Variants in TENM2 observed in about 807,000 individuals in gnomAD.
TENM2 encodes the protein teneurin transmembrane protein 2.
TENM2 carries 52 observed loss-of-function variants against 245.2 expected under a neutral mutation model. The observed-to-expected ratio is 0.21, with a 90% CI of 0.17 to 0.27. The LOEUF (loss-of-function observed/expected upper bound fraction) is 0.27, where lower values mean the gene tolerates loss of function less well. TENM2 is among the 10% of genes least tolerant of loss of function. The pLI is 1.00. For synonymous variants in TENM2, 1,363 were observed against 1,438.9 expected (o/e 0.95, Z 1.19); for missense variants, 3,046 against 3,666.8 (o/e 0.83, Z 4.37).
chr5:168,223,470 C>CT (rs34029248), intron 23 of TENM2, among the ~76,000 whole-genome samples: 16,357 of 136,910 alleles, frequency 0.12, 1,972 homozygotes, highest in African/African-American at 0.3. Context: ...CAAGTAATTT[C>CT]TTTTTTTTTT....
chr5:167,006,075 C>T, the TENM2 span, among the ~76,000 whole-genome samples: 1 of 152,112 alleles, frequency 6.6e-6, no homozygotes, highest in Non-Finnish European at 1.5e-5. Context: ...ACTAGCCTTT[C>T]TAATCCCAAA....
At chr5:167,233,892 A>G in the TENM2 span, among the ~76,000 whole-genome samples, 1 of 152,136 alleles carries the variant, frequency 6.6e-6, no homozygotes, top group South Asian at 2.1e-4. Flanking sequence ...AAATTAATAA[A>G]CGATCACAGC....
chr5:167,296,811 T>C (rs940737427), intron 1 of TENM2, among the ~76,000 whole-genome samples: 1 of 152,224 alleles, frequency 6.6e-6, no homozygotes, highest in African/African-American at 2.4e-5. Context: ...GTTAACACTT[T>C]CTGTTTCACA....
intron 3 of TENM2, among the ~76,000 whole-genome samples, chr5:167,926,957 T>G (rs892023665): frequency 4.6e-5 from 7 of 152,196 alleles, no homozygotes; most frequent in African/African-American, 1.7e-4. Flanking sequence ...ATTAAAAACT[T>G]TAATTAAAAC....
chr5:167,747,636 C>T (rs1761683555), intron 2 of TENM2, among the ~76,000 whole-genome samples: 1 of 152,122 alleles, frequency 6.6e-6, no homozygotes, highest in Admixed American at 6.6e-5. Flanking sequence ...GATGTCTTCT[C>T]TTTGTGGGGA....
chr5:167,584,202 G>A (rs1369062396), intron 2 of TENM2, among the ~76,000 whole-genome samples: 1 of 152,230 alleles, frequency 6.6e-6, no homozygotes, highest in Non-Finnish European at 1.5e-5. Context: ...AGCAATGAAA[G>A]CATAGATTTA....
chr5:168,222,745 C>T (rs1304099998), intron 23 of TENM2, among the ~76,000 whole-genome samples: 1 of 152,206 alleles, frequency 6.6e-6, no homozygotes, highest in Non-Finnish European at 1.5e-5. Flanking sequence ...CCACTCCCTC[C>T]CTTCTTTATT....
chr5:167,118,015 A>C, the TENM2 span, among the ~76,000 whole-genome samples: 2 of 152,098 alleles, frequency 1.3e-5, no homozygotes, highest in African/African-American at 4.8e-5. Flanking sequence ...GCCTCTATAC[A>C]CTTCTTTCTA....
chr5:167,132,333 C>A, the TENM2 span, among the ~76,000 whole-genome samples: 1 of 152,170 alleles, frequency 6.6e-6, no homozygotes, highest in African/African-American at 2.4e-5. Flanking sequence ...ACCTCCATCA[C>A]CATGCAACAT....
chr5:167,861,324 G>A (rs1197532956), intron 2 of TENM2, among the ~76,000 whole-genome samples: 1 of 152,194 alleles, frequency 6.6e-6, no homozygotes, highest in Non-Finnish European at 1.5e-5. Flanking sequence ...GTACCACGGA[G>A]AGCGGTGCCG....
chr5:167,181,467 T>G, the TENM2 span, among the ~76,000 whole-genome samples: 6 of 18,004 alleles, frequency 3.3e-4, no homozygotes, highest in African/African-American at 4.0e-3. Context: ...GCCGCTCGTT[T>G]GTGTGTGTGT....
chr5:167,894,309 A>T (rs1364910267), intron 3 of TENM2, among the ~76,000 whole-genome samples: 1 of 152,208 alleles, frequency 6.6e-6, no homozygotes, highest in African/African-American at 2.4e-5. Flanking sequence ...CTCATACCTA[A>T]CAATCAGGCC....
chr5:167,254,277 A>G, the TENM2 span, among the ~76,000 whole-genome samples: 9 of 152,150 alleles, frequency 5.9e-5, no homozygotes, highest in Non-Finnish European at 2.9e-5. Flanking sequence ...TTTCCCACCT[A>G]GGGGTTGCCT....
At chr5:168,197,672 C>A (rs1361469381) in intron 15 of TENM2, among the ~76,000 whole-genome samples, 1 of 149,236 alleles carries the variant, frequency 6.7e-6, no homozygotes, top group African/African-American at 2.5e-5. Flanking sequence ...TGCGCTCCAG[C>A]CTGGGCCCCA....
intron 2 of TENM2, among the ~76,000 whole-genome samples, chr5:167,636,043 G>T (rs1249982761): frequency 6.6e-6 from 1 of 151,918 alleles, no homozygotes; most frequent in Non-Finnish European, 1.5e-5. Flanking sequence ...GTTTTTATTT[G>T]TTCATTGACC....
intron 2 of TENM2, among the ~76,000 whole-genome samples, chr5:167,715,398 C>G (rs529942677): frequency 6.6e-6 from 1 of 152,116 alleles, no homozygotes; most frequent in Non-Finnish European, 1.5e-5. Flanking sequence ...GCATGGGCTA[C>G]GGTAGAGGCC....
At chr5:167,444,247 T>A (rs372430916) in intron 2 of TENM2, among the ~76,000 whole-genome samples, 1 of 151,438 alleles carries the variant, frequency 6.6e-6, no homozygotes, top group African/African-American at 2.4e-5. Context: ...ATCCAGTAGA[T>A]ATGTCTCAAA....
chr5:167,355,613 A>G (rs1312192552), intron 1 of TENM2, among the ~76,000 whole-genome samples: 2 of 152,182 alleles, frequency 1.3e-5, no homozygotes, highest in Admixed American at 1.3e-4. Context: ...GAGGGAGCAA[A>G]CAAAACCATT....
intron 1 of TENM2, among the ~76,000 whole-genome samples, chr5:167,348,831 T>C (rs1758638591): frequency 6.6e-6 from 1 of 152,188 alleles, no homozygotes; most frequent in African/African-American, 2.4e-5. Context: ...CTTGGCATCG[T>C]CAGATTTCCT....
Sources: allele counts gnomAD v4.1 joint callset (sites outside exome capture counted in the v4.1 genomes callset), GRCh38; gene constraint gnomAD v4.1.1; transcripts MANE v1.5; gene names NCBI Gene and HGNC (gene_info 2026-07-23, HGNC 2026-07-21).